Variants in DISC1 observed in about 807,000 individuals in gnomAD.
The protein encoded by DISC1 is disrupted in schizophrenia 1 protein.
DISC1 carries 57 observed loss-of-function variants against 84.5 expected under a neutral mutation model. The observed-to-expected ratio is 0.67, with a 90% confidence interval of 0.55 to 0.84. DISC1 has a LOEUF of 0.84. Among genes scored for constraint, DISC1 ranks in the 40% least tolerant of loss-of-function variants. DISC1 has a pLI of 0.00. For synonymous variants in DISC1, 411 were observed against 415.2 expected, an observed-to-expected ratio of 0.99 and a Z score of 0.12; for missense variants, 1,000 against 1,057.8, an observed-to-expected ratio of 0.95 and a Z score of 0.76.
chr1:231,948,454 G>A (rs541451741), intron 9 of DISC1, among the ~76,000 whole-genome samples: 13 of 152,170 alleles, frequency 8.5e-5, no homozygotes, highest in Non-Finnish European at 1.2e-4. Flanking sequence ...GGGGCCTGTC[G>A]GGTGGTGGGG....
chr1:231,955,228 A>T (rs1173945896), intron 9 of DISC1, among the ~76,000 whole-genome samples: 4 of 152,206 alleles, frequency 2.6e-5, no homozygotes, highest in African/African-American at 9.6e-5. Flanking sequence ...TTCCTTAGTG[A>T]TACTGTCCAG....
chr1:231,822,524 G>T (rs1254645541), intron 9 of DISC1, among the ~76,000 whole-genome samples: 7 of 152,132 alleles, frequency 4.6e-5, no homozygotes, highest in Non-Finnish European at 2.9e-5. Flanking sequence ...TATGGTTTGG[G>T]ATTAGGACCT....
chr1:231,672,564 C>G (rs942011092), intron 1 of DISC1, among the ~76,000 whole-genome samples: 4 of 152,140 alleles, frequency 2.6e-5, no homozygotes, highest in African/African-American at 9.7e-5. Flanking sequence ...TTGAAGCACA[C>G]CTTTGTGCTG....
chr1:232,005,058 T>TTCCA (rs1292833511), intron 10 of DISC1, among the ~76,000 whole-genome samples: 1 of 105,936 alleles, frequency 9.4e-6, no homozygotes, highest in African/African-American at 3.7e-5. Flanking sequence ...CCTTCCTTCC[T>TTCCA]TCCCTCTCTC....
intron 1 of DISC1, among the ~76,000 whole-genome samples, chr1:231,662,013 G>A (rs2061602673): frequency 6.6e-6 from 1 of 152,158 alleles, no homozygotes; most frequent in South Asian, 2.1e-4. Context: ...GGCTGCTGCA[G>A]TTTGCTGGGG....
chr1:231,931,394 G>A (rs1031418668), intron 9 of DISC1, among the ~76,000 whole-genome samples: 13 of 152,164 alleles, frequency 8.5e-5, no homozygotes, highest in Admixed American at 7.2e-4. Flanking sequence ...CCCATGTACC[G>A]GGAGATGCCC....
At chr1:231,825,292 GT>G (rs34770569) in intron 9 of DISC1, among the ~76,000 whole-genome samples, 14,993 of 152,026 alleles carry the variant, frequency 0.099, 998 homozygotes, top group Non-Finnish European at 0.14. Context: ...GCAACAGGCA[GT>G]TTTTTTTAAC....
chr1:231,684,895 C>G (rs960074103), intron 1 of DISC1: 2 of 152,210 alleles, frequency 1.3e-5, no homozygotes, highest in African/African-American at 4.8e-5. Context: ...TGGTGGAACT[C>G]CTGGTGGCCT....
chr1:231,995,314 TTTC>T (rs1665771646), intron 10 of DISC1, among the ~76,000 whole-genome samples: 1 of 151,842 alleles, frequency 6.6e-6, no homozygotes. Flanking sequence ...ACCTGGTTAT[TTTC>T]TTTTTTTCTT....
At chr1:231,768,996 C>T (rs575022323) in intron 5 of DISC1, among the ~76,000 whole-genome samples, 2 of 151,908 alleles carry the variant, frequency 1.3e-5, no homozygotes, top group African/African-American at 4.8e-5. Flanking sequence ...AGCTGGAGGC[C>T]CATGTGGCTG....
rs534210652 is a variant in DISC1, at chr1:231,775,640, G to A, written c.1634+4570G>A. ...GAACCCTTTTTAAGCACTGGAGAAT[G>A]AGGAGCTCCACAGTATGGAAGCTGA... is the stretch of plus-strand genomic sequence containing the variant. On this transcript the variant is annotated intron_variant, in intron 6 of 12. Coordinates refer to ENST00000439617, the MANE Select transcript of DISC1 (RefSeq NM_018662.3). Among the ~76,000 whole-genome samples the A allele has an allele frequency of 5.3e-5, 8 of 152,298 alleles. No homozygotes were observed. The South Asian group carries it at 1.7e-3, about 32-fold the overall frequency.
intron 9 of DISC1, among the ~76,000 whole-genome samples, chr1:231,835,123 T>G (rs2082532951): frequency 6.6e-6 from 1 of 152,126 alleles, no homozygotes; most frequent in Non-Finnish European, 1.5e-5. Context: ...GGTGAGATGT[T>G]CCTTTCTGAG....
intron 10 of DISC1, among the ~76,000 whole-genome samples, chr1:231,982,597 T>C (rs1663771953): frequency 6.6e-6 from 1 of 152,090 alleles, no homozygotes. Context: ...GAAAATAAAA[T>C]AGGCTTATGT....
At chr1:231,975,376 A>C (rs1391258103) in intron 10 of DISC1, among the ~76,000 whole-genome samples, 4 of 152,188 alleles carry the variant, frequency 2.6e-5, no homozygotes, top group African/African-American at 4.8e-5. Flanking sequence ...TGCCGGTGGA[A>C]ATTTAAATTA....
chr1:231,983,618 G>A (rs1663959914), intron 10 of DISC1, among the ~76,000 whole-genome samples: 1 of 120,406 alleles, frequency 8.3e-6, no homozygotes, highest in Non-Finnish European at 1.8e-5. Flanking sequence ...GGGGTTGGGG[G>A]GTTGGGGGGA....
intron 10 of DISC1, among the ~76,000 whole-genome samples, chr1:231,989,370 G>A (rs979393596): frequency 6.6e-5 from 10 of 152,294 alleles, no homozygotes; most frequent in East Asian, 3.9e-4. Context: ...TAAAGATAAC[G>A]CAATGCAGGC....
At chr1:231,770,711 C>T (rs2125456032) in intron 5 of DISC1, 124 bp from the exon 6 acceptor site, 1 of 1,505,658 alleles carries the variant, frequency 6.6e-7, no homozygotes. Flanking sequence ...CTGCCTGCCT[C>T]AGAAGGGGAG....
chr1:231,852,268 A>T (rs1192026256), intron 9 of DISC1, among the ~76,000 whole-genome samples: 2 of 152,332 alleles, frequency 1.3e-5, no homozygotes, highest in Non-Finnish European at 2.9e-5. Context: ...TCTGAAGGTG[A>T]CATTTGGAGT....
intron 9 of DISC1, among the ~76,000 whole-genome samples, chr1:231,872,243 CT>C (rs2085516152): frequency 6.6e-6 from 1 of 152,140 alleles, no homozygotes; most frequent in South Asian, 2.1e-4. Flanking sequence ...TCAACATTGG[CT>C]TTCTTTCATT....
Sources: gnomAD v4.1 joint callset for allele counts (sites outside exome capture counted in the v4.1 genomes callset) on GRCh38, gnomAD v4.1.1 for gene constraint, MANE v1.5 for transcripts, NCBI Gene and HGNC (gene_info 2026-07-23, HGNC 2026-07-21) for gene names.